PIK3C3: variants seen among roughly 807,000 people sequenced by gnomAD.
PIK3C3 encodes the protein PI3-kinase type 3.
Under a neutral mutation model 126.1 loss-of-function variants are expected in PIK3C3, and 95 were observed. The observed-to-expected ratio is 0.75, with a 90% CI of 0.64 to 0.89. PIK3C3 has a LOEUF of 0.89. PIK3C3 is among the 40% of genes least tolerant of loss of function. The pLI is 0.00. For missense variants in PIK3C3, 829 were observed against 1,063.2 expected, an observed-to-expected ratio of 0.78 and a Z score of 3.06; for synonymous variants, 374 against 360.0, an observed-to-expected ratio of 1.04 and a Z score of -0.44.
chr18:42,037,837 G>T lies in PIK3C3; in HGVS notation c.1968+17G>T. On this transcript the variant is annotated intron_variant, in intron 17 of 24. Transcript: ENST00000262039. Reference sequence around the variant, plus strand: ...ATGGACAAGGTGAACATGACCTTATGTTGGTGGGGAACATTTTTTTCGTTT... The same window carrying T: ...ATGGACAAGGTGAACATGACCTTATTTTGGTGGGGAACATTTTTTTCGTTT... The T allele has an allele frequency of 6.3e-7, 1 of 1,592,382 alleles. No homozygotes were observed. The highest frequency in any genetic ancestry group is 8.6e-7 in the Non-Finnish European group (1 of 1,165,590).
chr18:42,047,327 G>T (rs964217911), intron 20 of PIK3C3, among the ~76,000 whole-genome samples: 1 of 152,110 alleles, frequency 6.6e-6, no homozygotes, highest in African/African-American at 2.4e-5. Flanking sequence ...CCCTTGAGTG[G>T]CAGGTAGATT....
rs563703571 is a variant in PIK3C3 at position 42,014,828 on chromosome 18, G to A, written c.1326-648G>A. 3.3e-3 allele frequency among the ~76,000 whole-genome samples: 496 copies of A among 152,122 alleles called. 1 individual carries two copies. The highest frequency in any genetic ancestry group is 0.011 in the African/African-American group (467 of 41,530). ...TGTGTGTTTTATTTGGAGAAGAACC[G>A]AAAAAGAGGAAAATAATTTTTCTTT... On this transcript the variant is annotated intron_variant, in intron 11 of 24. Transcript: ENST00000262039.
intron 12 of PIK3C3, 37 bp downstream of exon 12, chr18:42,015,603 A>C (rs549388664): frequency 7.3e-7 from 1 of 1,367,872 alleles, no homozygotes; most frequent in Non-Finnish European, 1.0e-6. Context: ...TATAGGAGAG[A>C]TCCTACTGCA....
intron 10 of PIK3C3, among the ~76,000 whole-genome samples, chr18:42,011,838 A>G (rs1426805040): frequency 6.6e-6 from 1 of 152,080 alleles, no homozygotes; most frequent in Non-Finnish European, 1.5e-5. Flanking sequence ...TAGGTTTATT[A>G]ATTGGCCTCA....
chr18:41,975,333 GTTAA>G (rs374010334), intron 4 of PIK3C3, among the ~76,000 whole-genome samples: 81 of 152,296 alleles, frequency 5.3e-4, no homozygotes, highest in African/African-American at 1.9e-3. Context: ...TTAGATTTAG[GTTAA>G]TTAAGATGAA....
At chr18:41,979,500 TC>T (rs1322541692) in intron 4 of PIK3C3, among the ~76,000 whole-genome samples, 1 of 152,172 alleles carries the variant, frequency 6.6e-6, no homozygotes, top group African/African-American at 2.4e-5. Context: ...TTATTACAAA[TC>T]CTATAATGGG....
intron 12 of PIK3C3, among the ~76,000 whole-genome samples, chr18:42,016,808 T>C (rs1983096304): frequency 6.6e-6 from 1 of 152,090 alleles, no homozygotes; most frequent in Non-Finnish European, 1.5e-5. Context: ...ATCAGTAGTG[T>C]AGGGCTTGTA....
intron 3 of PIK3C3, among the ~76,000 whole-genome samples, chr18:41,966,265 G>A (rs1294618748): frequency 1.4e-5 from 2 of 147,932 alleles, no homozygotes; most frequent in African/African-American, 2.5e-5. Context: ...CGCCTCCTGG[G>A]TTCAAGCGAT....
intron 24 of PIK3C3, among the ~76,000 whole-genome samples, chr18:42,073,936 C>A (rs1985877692): frequency 6.6e-6 from 1 of 152,056 alleles, no homozygotes; most frequent in Non-Finnish European, 1.5e-5. Context: ...AGGTAAAGTA[C>A]AAGCATTTTC....
Position 42,086,371 on chromosome 18 carries a change from CAG to C in PIK3C3, c.*5238_*5239del, listed in dbSNP as rs950480314. ...TCAGAACTCCTTGGGCCATCACTGT[CAG>C]AGACATTTGAACTAGAGCAACTCCA... On this transcript the variant is annotated 3_prime_UTR_variant, in exon 25 of 25. Transcript: ENST00000262039. 1 of 152,266 alleles carries C rather than the reference CAG, an allele frequency of 6.6e-6. No individual in the cohort carries two copies. The highest frequency in any genetic ancestry group is 2.4e-5 in the African/African-American group (1 of 41,422). The allele number at this position is 152,266 out of a possible 1,614,324, so 9.4% of individuals were successfully genotyped here. A position where few individuals can be genotyped will look rare whatever the true frequency, so the allele number is the denominator to read the frequency against.
chr18:42,036,542 T>A (rs968745314), intron 16 of PIK3C3, among the ~76,000 whole-genome samples: 1 of 152,108 alleles, frequency 6.6e-6, no homozygotes, highest in Admixed American at 6.5e-5. Context: ...CAGAACAATT[T>A]TCTGACCATT....
rs185748979 is a variant in PIK3C3 at position 42,039,786 on chromosome 18, G to A, written c.2039-891G>A. On this transcript the variant is annotated intron_variant, in intron 18 of 24. Transcript: ENST00000262039. ...TATTCATAGTATTTACCCAAGTGAA[G>A]CTTATAAGCTTTAAGATCCATGTAG... Among the ~76,000 whole-genome samples the A allele has an allele frequency of 2.4e-3, 367 of 152,256 alleles. 2 individuals carry two copies. The highest frequency in any genetic ancestry group is 8.6e-3 in the African/African-American group (356 of 41,540).
intron 24 of PIK3C3, among the ~76,000 whole-genome samples, chr18:42,071,670 A>T (rs1246050083): frequency 6.6e-6 from 1 of 151,834 alleles, no homozygotes; most frequent in Non-Finnish European, 1.5e-5. Flanking sequence ...CAGTGAGCCA[A>T]GATCACTCCA....
chr18:42,064,565 A>G, intron 22 of PIK3C3, 175 bp from the exon 23 acceptor site: 4 of 550,122 alleles, frequency 7.3e-6, no homozygotes, highest in Non-Finnish European at 1.3e-5. Flanking sequence ...AGACCCCAAA[A>G]TAAAATATTT....
At chr18:41,970,888 G>A (rs952982487) in intron 4 of PIK3C3, 8 of 195,026 alleles carry the variant, frequency 4.1e-5, no homozygotes, top group Non-Finnish European at 6.3e-5. Context: ...AATGTGGAGC[G>A]TTGGTGATAT....
intron 23 of PIK3C3, among the ~76,000 whole-genome samples, chr18:42,065,303 G>T (rs890470245): frequency 2.6e-5 from 4 of 152,078 alleles, no homozygotes; most frequent in African/African-American, 9.6e-5. Flanking sequence ...ACCCATGACC[G>T]CAGAAAAGGA....
At chr18:41,974,188 C>T (rs138932942) in intron 4 of PIK3C3, among the ~76,000 whole-genome samples, 78 of 152,018 alleles carry the variant, frequency 5.1e-4, no homozygotes, top group South Asian at 2.1e-3. Context: ...TGTGAAAAGA[C>T]GGTGTTAGAT....
intron 13 of PIK3C3, among the ~76,000 whole-genome samples, chr18:42,022,422 G>C (rs143847136): frequency 1.3e-4 from 20 of 152,114 alleles, no homozygotes; most frequent in African/African-American, 4.3e-4. Context: ...TGCTCAGAGT[G>C]ATGGTTTCCA....
chr18:42,005,025 T>G (rs954558552), intron 10 of PIK3C3, among the ~76,000 whole-genome samples: 2 of 152,192 alleles, frequency 1.3e-5, no homozygotes, highest in African/African-American at 4.8e-5. Context: ...TGATGACAAT[T>G]ATATGTATAT....
Sources: gnomAD v4.1 joint callset for allele counts (sites outside exome capture counted in the v4.1 genomes callset) on GRCh38, gnomAD v4.1.1 for gene constraint, MANE v1.5 for transcripts, NCBI Gene and HGNC (gene_info 2026-07-23, HGNC 2026-07-21) for gene names.